PRSS3: variants seen among roughly 807,000 people sequenced by gnomAD.
The protein encoded by PRSS3 is trypsin-3.
Under a neutral mutation model 20.8 loss-of-function variants are expected in PRSS3, and 14 were observed. The ratio of observed to expected loss-of-function variants is 0.67; its 90% CI spans 0.44 to 1.05. PRSS3 has a LOEUF of 1.05. PRSS3 is among the 50% of genes least tolerant of loss of function. The pLI is 0.00. For synonymous variants in PRSS3, 91 were observed against 117.6 expected, an observed-to-expected ratio of 0.77 and a Z score of 1.46; for missense variants, 237 against 306.4, an observed-to-expected ratio of 0.77 and a Z score of 1.69.
chr9:33,798,379 C>T, intron 3 of PRSS3, 107 bp from the exon 4 acceptor site: 1 of 1,532,780 alleles, frequency 6.5e-7, no homozygotes, highest in South Asian at 1.1e-5. Flanking sequence ...TTTTGGAGTC[C>T]TCTCCAGAGG....
rs1183738501 is a variant in PRSS3, at chr9:33,771,637, G to GT, written c.-53+20917dup. Among the ~76,000 whole-genome samples the GT allele has an allele frequency of 2.7e-3, 240 of 87,924 alleles. 4 individuals are homozygous for GT. The highest frequency in any genetic ancestry group is 3.4e-3 in the African/African-American group (83 of 24,708). 57.7% of individuals were successfully genotyped at this position (87,924 alleles called of 152,430 possible). On this transcript the variant is annotated intron_variant, in intron 1 of 5. Coordinates refer to the PRSS3 transcript ENST00000342836. ...CCACTGCACTGGGTTTTGTTTTTTT[G>GT]TTTTTTTGTTTTTTTTTTTTTTGAG...
chr9:33,781,610 G>GT (rs2118995815), intron 1 of PRSS3, among the ~76,000 whole-genome samples: 2 of 152,328 alleles, frequency 1.3e-5, no homozygotes, highest in East Asian at 3.9e-4. Context: ...GTATACCCAT[G>GT]TAACAAACCT....
At chr9:33,793,694 T>G (rs912350855), upstream of PRSS3, 16 of 980,262 alleles carry the variant, frequency 1.6e-5, no homozygotes, top group African/African-American at 2.6e-4. Context: ...CAGTTCACAA[T>G]GATCTCCATG....
chr9:33,786,566 A>G, intron 1 of PRSS3: 1 of 766,354 alleles, frequency 1.3e-6, no homozygotes, highest in South Asian at 1.3e-5. Context: ...AAAGCCAAGC[A>G]GGGATATCTG....
intron 1 of PRSS3, among the ~76,000 whole-genome samples, chr9:33,770,467 C>T (rs1158615963): frequency 6.6e-6 from 1 of 152,092 alleles, no homozygotes; most frequent in African/African-American, 2.4e-5. Flanking sequence ...GTGTATTTTG[C>T]ATATGAGAAG....
intron 1 of PRSS3, among the ~76,000 whole-genome samples, chr9:33,768,674 T>G (rs563801220): frequency 6.6e-6 from 1 of 151,746 alleles, no homozygotes. Flanking sequence ...CTGGCCAACA[T>G]GGTGAAACCC....
At chr9:33,774,291 G>A (rs530300305) in intron 1 of PRSS3, among the ~76,000 whole-genome samples, 2 of 152,276 alleles carry the variant, frequency 1.3e-5, no homozygotes, top group African/African-American at 4.8e-5. Flanking sequence ...TTTGTTAATG[G>A]AAGAAATATA....
At chr9:33,755,182 G>T (rs1028728236) in intron 1 of PRSS3, among the ~76,000 whole-genome samples, 3 of 152,170 alleles carry the variant, frequency 2.0e-5, no homozygotes, top group Non-Finnish European at 4.4e-5. Flanking sequence ...ACCGAATGTC[G>T]GGTAGTTTAG....
At chr9:33,769,836 A>G (rs531481616) in intron 1 of PRSS3, among the ~76,000 whole-genome samples, 46 of 152,340 alleles carry the variant, frequency 3.0e-4, no homozygotes, top group African/African-American at 9.9e-4. Context: ...GTGGACCCAG[A>G]CAACAGAACA....
intron 1 of PRSS3, among the ~76,000 whole-genome samples, chr9:33,789,859 T>A (rs184973045): frequency 6.4e-4 from 97 of 152,346 alleles, no homozygotes; most frequent in African/African-American, 2.3e-3. Flanking sequence ...AAAACTTGGT[T>A]CTTCTTTAAC....
chr9:33,772,146 A>G (rs1439038758), intron 1 of PRSS3, among the ~76,000 whole-genome samples: 1 of 152,126 alleles, frequency 6.6e-6, no homozygotes, highest in Non-Finnish European at 1.5e-5. Flanking sequence ...TGCTGGGATT[A>G]CAGGCGTAAG....
At chr9:33,762,407 C>A (rs1017202521) in intron 1 of PRSS3, among the ~76,000 whole-genome samples, 5 of 152,176 alleles carry the variant, frequency 3.3e-5, no homozygotes, top group Non-Finnish European at 7.3e-5. Flanking sequence ...TTCAGGACTG[C>A]GGCCACAGTC....
intron 1 of PRSS3, among the ~76,000 whole-genome samples, chr9:33,760,419 G>A (rs1823139500): frequency 6.6e-6 from 1 of 152,094 alleles, no homozygotes; most frequent in African/African-American, 2.4e-5. Context: ...ATTTGGAAGA[G>A]CCATGGAGAG....
chr9:33,794,766 G>C (rs561833705), upstream of PRSS3: 254 of 1,550,240 alleles, frequency 1.6e-4, 1 homozygote, highest in South Asian at 2.9e-3. Flanking sequence ...CAACCGTGAG[G>C]CTGCATAAAA....
intron 1 of PRSS3, among the ~76,000 whole-genome samples, chr9:33,783,905 AAAG>A (rs1318372440): frequency 7.2e-5 from 11 of 151,884 alleles, no homozygotes; most frequent in African/African-American, 1.5e-4. Context: ...AAAAAAAAAA[AAAG>A]AAGGAGGAGG....
At position 33,750,835 on chromosome 9, in the gene PRSS3, T is replaced by C; in HGVS notation, c.-53+108T>C. 7.2e-7 allele frequency: 1 copy of C among 1,384,538 alleles called. No homozygotes were observed. The highest frequency in any genetic ancestry group is 9.3e-7 in the Non-Finnish European group (1 of 1,075,338). 85.8% of individuals were successfully genotyped at this position (1,384,538 alleles called of 1,614,324 possible). ...GATGGAGAGGGGGTTCCGACTCGCA[T>C]GGGACCTGCGGGGGAGGGTACGCGG... On this transcript the variant is annotated intron_variant, in intron 1 of 5. Coordinates refer to the PRSS3 transcript ENST00000342836. The surrounding 1 kb of genome is among the most constrained non-coding windows in gnomAD (Gnocchi z 4.8).
chr9:33,789,284 CCT>C (rs1390119131), intron 1 of PRSS3, among the ~76,000 whole-genome samples: 2 of 152,114 alleles, frequency 1.3e-5, no homozygotes, highest in African/African-American at 4.8e-5. Context: ...TTCATGCTTG[CCT>C]CTGTCAAGAA....
chr9:33,795,664 C>A, intron 1 of PRSS3, 51 bp downstream of exon 1: 1 of 1,497,490 alleles, frequency 6.7e-7, no homozygotes, highest in Non-Finnish European at 9.1e-7. Context: ...TCCTGGCAGA[C>A]ACATGCCCTG....
Position 33,784,669 on chromosome 9 carries a change from C to A in PRSS3, c.-52-10077C>A, listed in dbSNP as rs542860767. Among the ~76,000 whole-genome samples the A allele has an allele frequency of 2.0e-5, 3 of 152,220 alleles. No homozygotes were observed. The South Asian group carries it at 6.2e-4, about 32-fold the overall frequency. On this transcript the variant is annotated intron_variant, in intron 1 of 5. Coordinates refer to the PRSS3 transcript ENST00000342836. ...AACAACTAGGTATTTAATAGAACAT[C>A]GTATAATAGAGAGAATCTCAGAATC... is the stretch of plus-strand genomic sequence containing the variant.
Sources: gnomAD v4.1 joint callset for allele counts (sites outside exome capture counted in the v4.1 genomes callset) on GRCh38, gnomAD v4.1.1 for gene constraint, Gnocchi (gnomAD v3.1) non-coding constraint, MANE v1.5 for transcripts, NCBI Gene and HGNC (gene_info 2026-07-23, HGNC 2026-07-21) for gene names.